The following ATP8A2 variants were observed in gnomAD, a reference collection of about 807,000 sequenced individuals.
ATP8A2 encodes phospholipid-transporting ATPase IB.
A neutral mutation model predicts 165.6 loss-of-function variants in ATP8A2; 100 were observed. The ratio of observed to expected loss-of-function variants is 0.60; its 90% CI spans 0.51 to 0.71. The LOEUF is 0.71. Among genes scored for constraint, ATP8A2 ranks in the 30% least tolerant of loss-of-function variants. ATP8A2 has a pLI of 0.00. For missense variants in ATP8A2, 1,227 were observed against 1,479.5 expected (o/e 0.83, Z 2.80); for synonymous variants, 543 against 548.8 (o/e 0.99, Z 0.15).
At position 25,804,023 on chromosome 13, in the gene ATP8A2, G is replaced by A. The variant is rs140557739; in HGVS notation, c.2680-24095G>A. 1.2e-4 allele frequency among the ~76,000 whole-genome samples: 18 copies of A among 152,328 alleles called. 1 individual carries two copies. Among genetic ancestry groups the A allele is most frequent in the Non-Finnish European group, 2.1e-4 (14 of 68,032 alleles). On this transcript the variant is annotated intron_variant, in intron 27 of 36. Transcript: ENST00000381655. ...AAGAAATAACAAATGATTATACACA[G>A]CAAGGACAAAGAGATGAGTTTTTAG...
At chr13:25,475,132 G>A (rs2035957723) in intron 2 of ATP8A2, among the ~76,000 whole-genome samples, 2 of 152,088 alleles carry the variant, frequency 1.3e-5, no homozygotes, top group South Asian at 2.1e-4. Context: ...CACTGTGCCC[G>A]GCCTCAATAG....
At chr13:25,583,398 A>G (rs1052409009) in intron 23 of ATP8A2, among the ~76,000 whole-genome samples, 1 of 152,112 alleles carries the variant, frequency 6.6e-6, no homozygotes, top group African/African-American at 2.4e-5. Context: ...ATAACCCCTC[A>G]AGTTAAAATT....
intron 25 of ATP8A2, among the ~76,000 whole-genome samples, chr13:25,718,496 C>A (rs1382785536): frequency 6.6e-6 from 1 of 152,118 alleles, no homozygotes; most frequent in Non-Finnish European, 1.5e-5. Context: ...TGGTATACAA[C>A]ACTGAGAGCC....
chr13:25,625,707 CA>C (rs1408848482), intron 24 of ATP8A2, among the ~76,000 whole-genome samples: 2 of 152,206 alleles, frequency 1.3e-5, no homozygotes, highest in African/African-American at 4.8e-5. Context: ...TCTTGCATCA[CA>C]TGACTGTTAC....
At chr13:25,503,328 C>T (rs1401906489) in intron 2 of ATP8A2, among the ~76,000 whole-genome samples, 2 of 152,018 alleles carry the variant, frequency 1.3e-5, no homozygotes, top group Non-Finnish European at 2.9e-5. Context: ...ATTAGAGAGC[C>T]GAATGAAAAG....
chr13:25,470,614 GC>G (rs1268072896), intron 2 of ATP8A2, among the ~76,000 whole-genome samples: 1 of 152,152 alleles, frequency 6.6e-6, no homozygotes, highest in African/African-American at 2.4e-5. Flanking sequence ...TGGGTAATCT[GC>G]CCGAGAGAAA....
intron 33 of ATP8A2, among the ~76,000 whole-genome samples, chr13:25,886,713 C>G (rs923081064): frequency 6.6e-6 from 1 of 152,196 alleles, no homozygotes; most frequent in Non-Finnish European, 1.5e-5. Flanking sequence ...CATCTGATAG[C>G]TGTTCCATAG....
chr13:25,896,035 C>G (rs2138923499), intron 33 of ATP8A2, among the ~76,000 whole-genome samples: 1 of 152,266 alleles, frequency 6.6e-6, no homozygotes, highest in East Asian at 1.9e-4. Flanking sequence ...CTATTTCCTT[C>G]AGTTCTGCTC....
At chr13:25,508,724 T>C (rs2037128187) in intron 2 of ATP8A2, among the ~76,000 whole-genome samples, 1 of 152,234 alleles carries the variant, frequency 6.6e-6, no homozygotes, top group African/African-American at 2.4e-5. Flanking sequence ...CATATTTGTA[T>C]TAGATGATGC....
chr13:25,403,937 G>A (rs530241275), intron 1 of ATP8A2, among the ~76,000 whole-genome samples: 3 of 152,308 alleles, frequency 2.0e-5, no homozygotes, highest in Admixed American at 6.5e-5. Flanking sequence ...GAAGGAGGGA[G>A]GGGGCTGCAG....
In ATP8A2 at chr13:25,815,306, A is replaced by G. The variant is rs536910452; in HGVS notation, c.2680-12812A>G. The stretch of plus-strand genomic sequence containing the variant: ...AATATTTGCAAATCATATATCCGAT[A>G]AGAGATTAATATCCAAAATATCTGA... On this transcript the variant is annotated intron_variant, in intron 27 of 36. Transcript: ENST00000381655. Among the ~76,000 whole-genome samples the G allele has an allele frequency of 3.3e-5, 5 of 152,320 alleles. No individual in the cohort carries two copies. In the East Asian group the frequency reaches 9.6e-4, roughly 29 times the overall value.
intron 33 of ATP8A2, among the ~76,000 whole-genome samples, chr13:25,935,143 TAA>T (rs1451810873): frequency 6.6e-6 from 1 of 152,244 alleles, no homozygotes; most frequent in Non-Finnish European, 1.5e-5. Context: ...TTATGGAAAT[TAA>T]GTTACTTAAT....
intron 24 of ATP8A2, among the ~76,000 whole-genome samples, chr13:25,671,467 A>G (rs9581414): frequency 0.028 from 4,276 of 152,248 alleles, 189 homozygotes; most frequent in African/African-American, 0.096. Context: ...TCAAAAGCAA[A>G]TGGGAGAAAT....
chr13:25,576,616 G>A (rs1434025531), intron 19 of ATP8A2, among the ~76,000 whole-genome samples: 1 of 152,134 alleles, frequency 6.6e-6, no homozygotes, highest in Non-Finnish European at 1.5e-5. Context: ...CTGCGGGTTT[G>A]TGATTTCTTT....
intron 2 of ATP8A2, among the ~76,000 whole-genome samples, chr13:25,508,867 C>G (rs2037133226): frequency 6.6e-6 from 1 of 152,180 alleles, no homozygotes; most frequent in Non-Finnish European, 1.5e-5. Context: ...TAGACTTGAG[C>G]CTTGCTTGGG....
intron 35 of ATP8A2, among the ~76,000 whole-genome samples, chr13:25,999,079 C>T (rs915280936): frequency 6.6e-6 from 1 of 152,126 alleles, no homozygotes; most frequent in African/African-American, 2.4e-5. Context: ...TGTGGAGACA[C>T]AACATAAGAA....
chr13:25,450,796 G>A (rs1593324490), intron 1 of ATP8A2, among the ~76,000 whole-genome samples: 2 of 152,180 alleles, frequency 1.3e-5, no homozygotes, highest in African/African-American at 4.8e-5. Context: ...CTCCCAAAGT[G>A]CTAGGATTAC....
chr13:25,883,849 G>T (rs1299164908), intron 33 of ATP8A2, among the ~76,000 whole-genome samples: 1 of 152,206 alleles, frequency 6.6e-6, no homozygotes, highest in Non-Finnish European at 1.5e-5. Flanking sequence ...GGTCATGCAG[G>T]AAAACCTTGC....
chr13:25,785,961 T>G (rs192862206), intron 27 of ATP8A2, among the ~76,000 whole-genome samples: 1 of 152,240 alleles, frequency 6.6e-6, no homozygotes, highest in Non-Finnish European at 1.5e-5. Context: ...ATATGTTCCC[T>G]TCTGCTCCTT....
Sources: allele counts gnomAD v4.1 joint callset (sites outside exome capture counted in the v4.1 genomes callset), GRCh38; gene constraint gnomAD v4.1.1; transcripts MANE v1.5; gene names NCBI Gene and HGNC (gene_info 2026-07-23, HGNC 2026-07-21).